TXNRD3: variants seen among roughly 807,000 people sequenced by gnomAD.
The protein encoded by TXNRD3 is TXNRD3 neighbor gene protein.
In TXNRD3, 68 loss-of-function variants were observed where a neutral mutation model predicts 78.2. The observed-to-expected ratio is 0.87, with a 90% CI of 0.72 to 1.06. The LOEUF is 1.06. TXNRD3 is among the 50% of genes least tolerant of loss of function. The pLI is 0.00. For missense variants in TXNRD3, 751 were observed against 809.5 expected, an observed-to-expected ratio of 0.93 and a Z score of 0.88; for synonymous variants, 296 against 300.1, an observed-to-expected ratio of 0.99 and a Z score of 0.14.
chr3:126,644,508 G>T, intron 3 of TXNRD3, 107 bp from the exon 4 acceptor site: 1 of 756,568 alleles, frequency 1.3e-6, no homozygotes, highest in Non-Finnish European at 2.0e-6. Context: ...AAAAATCTTA[G>T]GAAAAATCTA....
At chr3:126,622,629 G>A in intron 10 of TXNRD3, 89 bp from the exon 11 acceptor site, 1 of 927,362 alleles carries the variant, frequency 1.1e-6, no homozygotes, top group African/African-American at 1.7e-5. Context: ...ACATTAAAAG[G>A]GTAATAATGG....
chr3:126,644,287 A>G lies in TXNRD3; in HGVS notation c.519+10T>C, dbSNP rs1486737954. The G allele has an allele frequency of 2.0e-6, 3 of 1,532,442 alleles. No homozygotes were observed. The Admixed American group carries it at 5.9e-5, about 30-fold the overall frequency. The allele number at this position is 1,532,442 out of a possible 1,614,324, so 94.9% of individuals were successfully genotyped here. On this transcript the variant is annotated intron_variant, in intron 4 of 15. Transcript: ENST00000524230. ...AAAATTATCTACGAGTTTCATTTCT[A>G]TATTCATACCTTCGCACATGAAAGG...
At chr3:126,626,030 A>T (rs1938572788) in intron 10 of TXNRD3, 1 of 152,414 alleles carries the variant, frequency 6.6e-6, no homozygotes, top group Non-Finnish European at 1.5e-5. Context: ...GAATCAACGG[A>T]CAGTGAAATG....
intron 1 of TXNRD3, among the ~76,000 whole-genome samples, chr3:126,651,787 A>T (rs1933396847): frequency 6.6e-6 from 1 of 152,192 alleles, no homozygotes; most frequent in African/African-American, 2.4e-5. Context: ...ACAAAGAAGA[A>T]AACAAACTGA....
intron 3 of TXNRD3, among the ~76,000 whole-genome samples, chr3:126,645,829 T>C (rs1035575478): frequency 2.0e-5 from 3 of 152,158 alleles, no homozygotes; most frequent in Non-Finnish European, 4.4e-5. Flanking sequence ...CAAACATTAA[T>C]GTTATCTCTC....
Position 126,615,458 on chromosome 3 carries a change from TC to T in TXNRD3, c.1528del (p.Asp510IlefsTer34). ...CACTGTAGTCGGAACATTAATATAA[TC>T]ACACTGAAAGACAAACAAATTACAT... On this transcript the variant is annotated frameshift_variant, in exon 13 of 16. Coordinates refer to ENST00000524230, the MANE Select transcript of TXNRD3 (RefSeq NM_052883.3). LOFTEE classifies it high-confidence loss of function. The T allele has an allele frequency of 6.8e-7, 1 of 1,468,922 alleles. No homozygotes were observed. Among genetic ancestry groups the T allele is most frequent in the Non-Finnish European group, 9.0e-7 (1 of 1,108,042 alleles). 91.0% of individuals were successfully genotyped at this position (1,468,922 alleles called of 1,614,324 possible).
At chr3:126,622,430 T>C in intron 11 of TXNRD3, 34 bp downstream of exon 11, 1 of 1,429,308 alleles carries the variant, frequency 7.0e-7, no homozygotes, top group Admixed American at 2.2e-5. Context: ...TGTTGCTTTG[T>C]GCAGCAACAG....
At chr3:126,652,869 A>T (rs1400528987) in intron 1 of TXNRD3, among the ~76,000 whole-genome samples, 2 of 152,234 alleles carry the variant, frequency 1.3e-5, no homozygotes, top group Non-Finnish European at 2.9e-5. Context: ...GACAATAATC[A>T]TATAGATGCA....
chr3:126,641,309 T>A (rs984763576), intron 6 of TXNRD3, among the ~76,000 whole-genome samples: 1 of 152,130 alleles, frequency 6.6e-6, no homozygotes, highest in Non-Finnish European at 1.5e-5. Flanking sequence ...ACTCCCTTCA[T>A]CTACTCTTCA....
chr3:126,611,077 T>G lies in TXNRD3; in HGVS notation c.1688A>C (p.Asn563Thr), dbSNP rs1168204620. The G allele has an allele frequency of 3.9e-6, 6 of 1,527,762 alleles. No individual in the cohort carries two copies. The highest frequency in any genetic ancestry group is 5.3e-6 in the Non-Finnish European group (6 of 1,142,338). 94.6% of individuals were successfully genotyped at this position (1,527,762 alleles called of 1,614,324 possible). ...GCAGATTATCTTTGCATAACAAGTG[T>G]TGTTCTCTCTGCCAGCTACTGTCCA... The change falls in exon 14 of 16, where the codon AAC becomes ACC. Residue 563 changes from asparagine (N) to threonine (T), a missense_variant. Physicochemically the swap from Asn to Thr is moderately conservative, Grantham distance 65. Coordinates refer to ENST00000524230, the MANE Select transcript of TXNRD3 (RefSeq NM_052883.3).
At chr3:126,614,593 C>T (rs1427925797) in intron 13 of TXNRD3, among the ~76,000 whole-genome samples, 1 of 152,092 alleles carries the variant, frequency 6.6e-6, no homozygotes, top group Non-Finnish European at 1.5e-5. Context: ...TCAAAAATAA[C>T]CATCTAAAAT....
chr3:126,644,055 T>C lies in TXNRD3; in HGVS notation c.520-2A>G, dbSNP rs1157712718. The C allele has an allele frequency of 3.3e-6, 5 of 1,535,868 alleles. No homozygotes were observed. In the East Asian group the frequency reaches 9.8e-5, roughly 30 times the overall value. ...TTTCTTTCCCAAAATGGCAGCTTCC[T>C]ACAAACGAACAACAACAAAAATTAC... On this transcript the variant is annotated splice_acceptor_variant, in intron 4 of 15. Transcript: ENST00000524230. LOFTEE classifies it high-confidence loss of function.
intron 1 of TXNRD3, among the ~76,000 whole-genome samples, chr3:126,651,142 C>T (rs975175432): frequency 6.6e-6 from 1 of 152,120 alleles, no homozygotes; most frequent in African/African-American, 2.4e-5. Context: ...TTGGGGGATA[C>T]ATTTAAGAGG....
rs118001925 is a variant in TXNRD3 at position 126,623,555 on chromosome 3, T to A, written c.1291-1015A>T. Among the ~76,000 whole-genome samples, 256 of 152,292 alleles carry A rather than the reference T, an allele frequency of 1.7e-3. 5 individuals are homozygous for A. In the East Asian group the frequency reaches 0.048, roughly 29 times the overall value. Reference sequence around the variant, plus strand: ...ATTTGGTTTAACATACAAAAATCCATCAATGTAATTCATCATATTAACAGA... The same window carrying A: ...ATTTGGTTTAACATACAAAAATCCAACAATGTAATTCATCATATTAACAGA... On this transcript the variant is annotated intron_variant, in intron 10 of 15. Coordinates refer to ENST00000524230, the MANE Select transcript of TXNRD3 (RefSeq NM_052883.3).
intron 12 of TXNRD3, among the ~76,000 whole-genome samples, chr3:126,618,863 C>CAAAAAAAAAAAAAAAAAAAAAAAAAA (rs36021189): frequency 1.4e-5 from 1 of 73,118 alleles, no homozygotes; most frequent in Non-Finnish European, 2.9e-5. Context: ...AACTCAGAGC[C>CAAAAAAAAAAAAAAAAAAAAAAAAAA]AAAAAAAAAA....
At chr3:126,621,192 G>T (rs1286830729) in intron 12 of TXNRD3, among the ~76,000 whole-genome samples, 1 of 152,190 alleles carries the variant, frequency 6.6e-6, no homozygotes, top group Non-Finnish European at 1.5e-5. Context: ...GAAATCCTCT[G>T]TAGAAATCAT....
In TXNRD3 at chr3:126,627,170, T is replaced by G. The variant is rs551086206; in HGVS notation, c.1290+2209A>C. ...ACAATAGTCCAAACTGCAAAGAGGC[T>G]AGGTATCTACCCACAGGAAAATGAA... On this transcript the variant is annotated intron_variant, in intron 10 of 15. Coordinates refer to ENST00000524230, the MANE Select transcript of TXNRD3 (RefSeq NM_052883.3). 5.3e-5 allele frequency among the ~76,000 whole-genome samples: 8 copies of G among 152,292 alleles called. No individual in the cohort carries two copies. The East Asian group carries it at 1.5e-3, about 29-fold the overall frequency.
chr3:126,647,477 T>C (rs1242392923), intron 1 of TXNRD3, among the ~76,000 whole-genome samples, 181 bp from the exon 2 acceptor site: 1 of 152,224 alleles, frequency 6.6e-6, no homozygotes, highest in Non-Finnish European at 1.5e-5. Flanking sequence ...CCCAGAATAA[T>C]CTCAGGCCAT....
rs1249640071 is a variant in TXNRD3, at chr3:126,654,964, G to A, written c.27C>T (p.Pro9=). ...GGGCATCGCCCGCCTTTCCCGGCCC[G>A]GGCGACTGCGGCGGCGACCGCTCCA... is the stretch of plus-strand genomic sequence containing the variant. The change falls in exon 1 of 16, where the codon CCC becomes CCT. Residue 9 remains proline (P), a synonymous_variant. Coordinates refer to ENST00000524230, the MANE Select transcript of TXNRD3 (RefSeq NM_052883.3). 128 of 1,298,550 alleles carry A rather than the reference G, an allele frequency of 9.9e-5. No individual in the cohort carries two copies. The highest frequency in any genetic ancestry group is 2.7e-4 in the Middle Eastern group (1 of 3,738). 80.4% of individuals were successfully genotyped at this position (1,298,550 alleles called of 1,614,324 possible). A position where few individuals can be genotyped will look rare whatever the true frequency, so the allele number is the denominator to read the frequency against.
Sources: allele counts gnomAD v4.1 joint callset (sites outside exome capture counted in the v4.1 genomes callset), GRCh38; gene constraint gnomAD v4.1.1; transcripts MANE v1.5; gene names NCBI Gene and HGNC (gene_info 2026-07-23, HGNC 2026-07-21).